Variants in ABCC4 observed in about 807,000 individuals in gnomAD.
The protein encoded by ABCC4 is ATP-binding cassette sub-family C member 4.
ABCC4 carries 102 observed loss-of-function variants against 168.5 expected under a neutral mutation model. The observed-to-expected ratio is 0.61, with a 90% CI of 0.52 to 0.71. The LOEUF (loss-of-function observed/expected upper bound fraction) is 0.71. ABCC4 is among the 30% of genes least tolerant of loss of function. The pLI is 0.00. For synonymous variants in ABCC4, 617 were observed against 590.7 expected (o/e 1.04, Z -0.65); for missense variants, 1,402 against 1,605.8 (o/e 0.87, Z 2.17).
intron 8 of ABCC4, among the ~76,000 whole-genome samples, chr13:95,203,530 A>G (rs1040410378): frequency 1.2e-4 from 18 of 151,704 alleles, no homozygotes; most frequent in African/African-American, 4.1e-4. Flanking sequence ...ACTAATTTTT[A>G]TATTTTTAGT....
intron 1 of ABCC4, among the ~76,000 whole-genome samples, chr13:95,277,216 C>A (rs909354440): frequency 4.6e-5 from 7 of 151,946 alleles, no homozygotes; most frequent in South Asian, 2.1e-4. Flanking sequence ...TTACAGAGTT[C>A]ACATTGGGGA....
At chr13:95,066,986 T>C (rs573171109) in intron 25 of ABCC4, among the ~76,000 whole-genome samples, 1 of 152,266 alleles carries the variant, frequency 6.6e-6, no homozygotes, top group Non-Finnish European at 1.5e-5. Flanking sequence ...TTAGGGTGGA[T>C]TACAGCTGTT....
intron 1 of ABCC4, chr13:95,266,190 GAC>G (rs2040669103): frequency 6.6e-6 from 1 of 152,256 alleles, no homozygotes; most frequent in African/African-American, 2.4e-5. Flanking sequence ...TTGGAGTGAA[GAC>G]ATCATCCTGG....
intron 27 of ABCC4, among the ~76,000 whole-genome samples, chr13:95,051,342 G>A (rs2032820965): frequency 6.6e-6 from 1 of 152,134 alleles, no homozygotes. Flanking sequence ...CCCTGGAAGG[G>A]CAACAATGAC....
chr13:95,276,587 G>A (rs2040977770), intron 1 of ABCC4, among the ~76,000 whole-genome samples: 2 of 151,750 alleles, frequency 1.3e-5, no homozygotes, highest in African/African-American at 4.8e-5. Flanking sequence ...CCCAAGAGCA[G>A]AGAAGGCAGC....
At chr13:95,062,470 C>T (rs373336493) in intron 26 of ABCC4, among the ~76,000 whole-genome samples, 7 of 135,670 alleles carry the variant, frequency 5.2e-5, no homozygotes, top group Admixed American at 1.6e-4. Context: ...AATCTATCTG[C>T]GTAAGTTATT....
intron 1 of ABCC4, among the ~76,000 whole-genome samples, chr13:95,252,053 G>C (rs1203245927): frequency 6.6e-6 from 1 of 152,076 alleles, no homozygotes; most frequent in Admixed American, 6.5e-5. Flanking sequence ...TGGGCGCTCA[G>C]ATCTATTGTC....
At chr13:95,182,538 A>C (rs2037930866) in intron 11 of ABCC4, among the ~76,000 whole-genome samples, 1 of 152,222 alleles carries the variant, frequency 6.6e-6, no homozygotes, top group African/African-American at 2.4e-5. Context: ...ACATTCTTTC[A>C]AGCATGTCAC....
In ABCC4 at chr13:95,247,680, C is replaced by T. The variant is rs776893694; in HGVS notation, c.148G>A (p.Glu50Lys). The T allele has an allele frequency of 3.7e-5, 60 of 1,613,960 alleles. No homozygotes were observed. The South Asian group carries it at 5.7e-4, about 15-fold the overall frequency. ...EEDDMYSVLPEDRSQHLGEEL... is the reference protein window; with the variant it reads ...EEDDMYSVLPKDRSQHLGEEL... ...TCTCCAAGGTGCTGTGAGCGGTCTTCTGGCAGCACTGAATACATATCATCT... is the reference window on the plus strand; with the variant it reads ...TCTCCAAGGTGCTGTGAGCGGTCTTTTGGCAGCACTGAATACATATCATCT... The change falls in exon 2 of 31, where the codon GAA (glutamate) becomes AAA (lysine). Residue 50 changes from glutamate (E) to lysine (K), a missense_variant. Glu to Lys is a moderately conservative substitution (Grantham distance 56). This residue lies in a region of ABCC4 where 317 missense variants were observed against 345.5 expected (regional missense o/e 0.92). Transcript: ENST00000645237.
intron 25 of ABCC4, among the ~76,000 whole-genome samples, chr13:95,068,960 A>G (rs2033637946): frequency 6.6e-6 from 1 of 152,256 alleles, no homozygotes; most frequent in African/African-American, 2.4e-5. Flanking sequence ...TGCTGCCTGC[A>G]GAGTGGTCTC....
intron 11 of ABCC4, among the ~76,000 whole-genome samples, chr13:95,179,767 C>G (rs528586588): frequency 6.6e-6 from 1 of 152,286 alleles, no homozygotes; most frequent in South Asian, 2.1e-4. Flanking sequence ...TGTCTCTACT[C>G]TGACAAAGCC....
intron 20 of ABCC4, among the ~76,000 whole-genome samples, chr13:95,089,706 G>A (rs1464547982): frequency 3.3e-5 from 5 of 152,074 alleles, no homozygotes; most frequent in Non-Finnish European, 5.9e-5. Flanking sequence ...TTTAAGATCT[G>A]ACAATTAATC....
chr13:95,186,619 A>T (rs1325275657), intron 11 of ABCC4, 82 bp downstream of exon 11: 14 of 1,359,944 alleles, frequency 1.0e-5, no homozygotes, highest in Non-Finnish European at 1.4e-5. Context: ...AAATTAAAAA[A>T]AAGTTAATAA....
chr13:95,139,594 A>G (rs1437428429), intron 19 of ABCC4, among the ~76,000 whole-genome samples: 2 of 152,218 alleles, frequency 1.3e-5, no homozygotes, highest in African/African-American at 4.8e-5. Flanking sequence ...ATATGGTGCT[A>G]CTTGGCCTCT....
chr13:95,216,611 A>C (rs1236909755), intron 4 of ABCC4, among the ~76,000 whole-genome samples: 6 of 12,406 alleles, frequency 4.8e-4, no homozygotes, highest in South Asian at 2.0e-3. Context: ...AAATTCACAA[A>C]AAAAAAAAAA....
rs138945280 is a variant in ABCC4, at chr13:95,141,717, T to C, written c.2455+19472A>G. Among the ~76,000 whole-genome samples, 555 of 152,342 alleles carry C rather than the reference T, an allele frequency of 3.6e-3. 4 individuals are homozygous for C. Among genetic ancestry groups the C allele is most frequent in the African/African-American group, 0.013 (535 of 41,588 alleles). ...CTAATCCAATCATCCAAGGAGCCAGTTGCTCCCTCAACAGAAAATGGCTGT... is the reference window on the plus strand; with the variant it reads ...CTAATCCAATCATCCAAGGAGCCAGCTGCTCCCTCAACAGAAAATGGCTGT... On this transcript the variant is annotated intron_variant, in intron 19 of 30. Coordinates refer to ENST00000645237, the MANE Select transcript of ABCC4 (RefSeq NM_005845.5).
intron 27 of ABCC4, among the ~76,000 whole-genome samples, chr13:95,044,659 C>T (rs1646008869): frequency 6.6e-6 from 1 of 152,106 alleles, no homozygotes; most frequent in African/African-American, 2.4e-5. Flanking sequence ...ACAATGGAAC[C>T]CAAGATGCTC....
intron 19 of ABCC4, among the ~76,000 whole-genome samples, chr13:95,136,014 TA>T (rs1235720502): frequency 1.3e-5 from 2 of 152,148 alleles, no homozygotes; most frequent in South Asian, 4.1e-4. Flanking sequence ...AAACTACATC[TA>T]GCAAAATTAA....
chr13:95,141,477 A>G (rs2036315179), intron 19 of ABCC4, among the ~76,000 whole-genome samples: 1 of 152,120 alleles, frequency 6.6e-6, no homozygotes, highest in Admixed American at 6.5e-5. Flanking sequence ...GTATAAAAGC[A>G]GAGAACAAAG....
Sources: gnomAD v4.1 joint callset for allele counts (sites outside exome capture counted in the v4.1 genomes callset) on GRCh38, gnomAD v4.1.1 for gene constraint, gnomAD v4.1.1 regional missense constraint, MANE v1.5 for transcripts, NCBI Gene and HGNC (gene_info 2026-07-23, HGNC 2026-07-21) for gene names.